Variants in DERA observed in about 807,000 individuals in gnomAD.
DERA encodes 2-deoxy-D-ribose 5-phosphate aldolase.
A neutral mutation model predicts 41.1 loss-of-function variants in DERA; 15 were observed. The ratio of observed to expected loss-of-function variants is 0.37; its 90% CI spans 0.24 to 0.56. The LOEUF (loss-of-function observed/expected upper bound fraction) is 0.56, where lower values mean the gene tolerates loss of function less well. Ranked by LOEUF, DERA falls within the 20% of genes least tolerant of loss-of-function variation. The probability of loss-of-function intolerance (pLI) is 0.81; values close to 1 mark genes in which losing one functional copy is unlikely to be tolerated. For missense variants in DERA, 396 were observed against 403.4 expected, an observed-to-expected ratio of 0.98 and a Z score of 0.16; for synonymous variants, 139 against 137.4, an observed-to-expected ratio of 1.01 and a Z score of -0.08.
In DERA at chr12:15,983,691, G is replaced by T. The variant is rs1028544375; in HGVS notation, c.637+1255G>T. Among the ~76,000 whole-genome samples, 5 of 152,138 alleles carry T rather than the reference G, an allele frequency of 3.3e-5. No individual in the cohort carries two copies. The highest frequency in any genetic ancestry group is 1.2e-4 in the African/African-American group (5 of 41,416). On this transcript the variant is annotated intron_variant, in intron 6 of 8. Coordinates refer to ENST00000428559, the MANE Select transcript of DERA (RefSeq NM_015954.4). This position sits in a 1 kb window ranked among gnomAD's most constrained non-coding sequence, Gnocchi z 6.2. ...TTGGATGAAGATACCTGGTTTCTCT[G>T]GTCTTGAATCTGGGCCAGCCATATT...
At position 15,967,288 on chromosome 12, in the gene DERA, G is replaced by A. The variant is rs1948629557; in HGVS notation, c.508+4341G>A. Among the ~76,000 whole-genome samples, 1 of 152,058 alleles carries A rather than the reference G, an allele frequency of 6.6e-6. No individual in the cohort carries two copies. The highest frequency in any genetic ancestry group is 1.5e-5 in the Non-Finnish European group (1 of 68,008). The stretch of plus-strand genomic sequence containing the variant: ...TGAGATGGGAGGATTCCTTGAATGT[G>A]GGAGGATTCCTTGAGCCTGGGAGGC... On this transcript the variant is annotated intron_variant, in intron 5 of 8. Coordinates refer to ENST00000428559, the MANE Select transcript of DERA (RefSeq NM_015954.4). This position sits in a 1 kb window ranked among gnomAD's most constrained non-coding sequence, Gnocchi z 4.9.
chr12:15,959,906 A>G lies in DERA; in HGVS notation c.355A>G (p.Asn119Asp). Residue 119 changes from asparagine to aspartate, a missense_variant, in exon 4 of 9, where the codon AAT (asparagine) becomes GAT (aspartate). Physicochemically the swap from Asn to Asp is conservative, Grantham distance 23 (BLOSUM62 1). Coordinates refer to ENST00000428559, the MANE Select transcript of DERA (RefSeq NM_015954.4). This position sits in a 1 kb window ranked among gnomAD's most constrained non-coding sequence, Gnocchi z 4.5. Reference protein sequence around the residue: ...AVKALKAAGCNIPVASVAAGF... With the variant: ...AVKALKAAGCDIPVASVAAGF... ...AAAAGCACTCAAGGCTGCAGGCTGT[A>G]ATATCCCTGTGGCATCAGGTAAAAT... The G allele has an allele frequency of 6.5e-7, 1 of 1,547,880 alleles. No homozygotes were observed. Among genetic ancestry groups the G allele is most frequent in the South Asian group, 1.2e-5 (1 of 83,658 alleles).
chr12:16,007,667 A>G (rs1948921248), intron 6 of DERA, among the ~76,000 whole-genome samples: 1 of 152,130 alleles, frequency 6.6e-6, no homozygotes, highest in African/African-American at 2.4e-5. Flanking sequence ...GTTCATTAGG[A>G]TGGGGGTTGT....
At chr12:15,968,822 G>A (rs1307476226) in intron 5 of DERA, among the ~76,000 whole-genome samples, 1 of 152,134 alleles carries the variant, frequency 6.6e-6, no homozygotes, top group South Asian at 2.1e-4. Flanking sequence ...CTCCTGCCCC[G>A]ATGATGGTCT....
chr12:16,036,782 A>G lies in DERA; in HGVS notation c.*36A>G, dbSNP rs750623353. 7.5e-6 allele frequency: 11 copies of G among 1,459,060 alleles called. No homozygotes were observed. Among genetic ancestry groups the G allele is most frequent in the East Asian group, 2.4e-5 (1 of 41,610 alleles). 90.4% of individuals were successfully genotyped at this position (1,459,060 alleles called of 1,614,324 possible). A position where few individuals can be genotyped will look rare whatever the true frequency, so the allele number is the denominator to read the frequency against. ...AGTTCCAGAAAAGTTCTTTACGACAATGTTTAAAAATTATTTTTCTACGTA... is the reference window on the plus strand; with the variant it reads ...AGTTCCAGAAAAGTTCTTTACGACAGTGTTTAAAAATTATTTTTCTACGTA... On this transcript the variant is annotated 3_prime_UTR_variant, in exon 9 of 9. Coordinates refer to ENST00000428559, the MANE Select transcript of DERA (RefSeq NM_015954.4). This position sits in a 1 kb window ranked among gnomAD's most constrained non-coding sequence, Gnocchi z 4.9.
intron 6 of DERA, among the ~76,000 whole-genome samples, chr12:16,015,035 C>T (rs1948971924): frequency 6.6e-6 from 1 of 152,154 alleles, no homozygotes; most frequent in African/African-American, 2.4e-5. Context: ...ATGCCTGTAC[C>T]CCAGTTGTTT....
At position 16,004,781 on chromosome 12, in the gene DERA, A is replaced by G. The variant is rs1297336337; in HGVS notation, c.637+22345A>G. On this transcript the variant is annotated intron_variant, in intron 6 of 8. Coordinates refer to ENST00000428559, the MANE Select transcript of DERA (RefSeq NM_015954.4). This position sits in a 1 kb window ranked among gnomAD's most constrained non-coding sequence, Gnocchi z 4.2. ...GTTTTTAAAAATTTAAAAAAATCCT[A>G]CTAAAAACTAGGAGATACCTTGGGA... Among the ~76,000 whole-genome samples, 1 of 152,200 alleles carries G rather than the reference A, an allele frequency of 6.6e-6. No individual in the cohort carries two copies. The highest frequency in any genetic ancestry group is 1.5e-5 in the Non-Finnish European group (1 of 68,022).
chr12:15,973,588 A>C (rs765046168), intron 5 of DERA, among the ~76,000 whole-genome samples: 1 of 152,206 alleles, frequency 6.6e-6, no homozygotes, highest in Non-Finnish European at 1.5e-5. Context: ...ATATTTAACT[A>C]TAAGGACATT....
rs544327397 is a variant in DERA at position 15,998,974 on chromosome 12, A to G, written c.637+16538A>G. ...CTCTCAGGACATTTGTAATTCTTCTACTGTTCTGATAGCACTATCAAGATT... is the reference window on the plus strand; with the variant it reads ...CTCTCAGGACATTTGTAATTCTTCTGCTGTTCTGATAGCACTATCAAGATT... On this transcript the variant is annotated intron_variant, in intron 6 of 8. Transcript: ENST00000428559. This position sits in a 1 kb window ranked among gnomAD's most constrained non-coding sequence, Gnocchi z 4.8. Among the ~76,000 whole-genome samples the G allele has an allele frequency of 9.8e-5, 15 of 152,324 alleles. No individual in the cohort carries two copies. The highest frequency in any genetic ancestry group is 3.1e-4 in the African/African-American group (13 of 41,570).
rs1361891861 is a variant in DERA, at chr12:15,921,941, A to AATG, written c.31+10529_31+10530insGAT. ...CTCCATCTCAGATAATAATAATAAT[A>AATG]ATAAATAATTTTCCAAGGAATAAAC... On this transcript the variant is annotated intron_variant, in intron 1 of 8. Coordinates refer to ENST00000428559, the MANE Select transcript of DERA (RefSeq NM_015954.4). The surrounding 1 kb of genome is among the most constrained non-coding windows in gnomAD (Gnocchi z 5.3). Among the ~76,000 whole-genome samples, 2 of 150,632 alleles carry AATG rather than the reference A, an allele frequency of 1.3e-5. No individual in the cohort carries two copies. The highest frequency in any genetic ancestry group is 1.3e-4 in the Admixed American group (2 of 15,076).
rs1222374002 is a variant in DERA at position 15,957,439 on chromosome 12, C to T, written c.129+406C>T. 1.3e-5 allele frequency among the ~76,000 whole-genome samples: 2 copies of T among 152,118 alleles called. No individual in the cohort carries two copies. Among genetic ancestry groups the T allele is most frequent in the Non-Finnish European group, 2.9e-5 (2 of 68,018 alleles). The stretch of plus-strand genomic sequence containing the variant: ...GGTATAAGAGTTGACCTTTCTTGAC[C>T]ATCATATTTACCTTACTATTACTTT... On this transcript the variant is annotated intron_variant, in intron 2 of 8. Transcript: ENST00000428559. This position sits in a 1 kb window ranked among gnomAD's most constrained non-coding sequence, Gnocchi z 4.8.
chr12:15,992,013 G>T lies in DERA; in HGVS notation c.637+9577G>T, dbSNP rs942520546. On this transcript the variant is annotated intron_variant, in intron 6 of 8. Transcript: ENST00000428559. This position sits in a 1 kb window ranked among gnomAD's most constrained non-coding sequence, Gnocchi z 4.3. ...ATGCTGTTATACTCTTAGGACAGTT[G>T]CAAATACCAGTAGCATTTGTAACAT... Among the ~76,000 whole-genome samples the T allele has an allele frequency of 2.6e-5, 4 of 151,258 alleles. No homozygotes were observed. The highest frequency in any genetic ancestry group is 5.9e-5 in the Non-Finnish European group (4 of 67,888).
At position 15,984,353 on chromosome 12, in the gene DERA, C is replaced by G. The variant is rs890242643; in HGVS notation, c.637+1917C>G. On this transcript the variant is annotated intron_variant, in intron 6 of 8. Transcript: ENST00000428559. This position sits in a 1 kb window ranked among gnomAD's most constrained non-coding sequence, Gnocchi z 4.5. The stretch of plus-strand genomic sequence containing the variant: ...GTGTCCCACCCTCCACCCATCCTGT[C>G]CACAGAAAAAAATGTGATTATAAAC... 2.6e-5 allele frequency among the ~76,000 whole-genome samples: 4 copies of G among 152,132 alleles called. No homozygotes were observed. The highest frequency in any genetic ancestry group is 5.9e-5 in the Non-Finnish European group (4 of 68,028).
rs188234410 is a variant in DERA at position 15,913,153 on chromosome 12, T to A, written c.31+1739T>A. On this transcript the variant is annotated intron_variant, in intron 1 of 8. Coordinates refer to ENST00000428559, the MANE Select transcript of DERA (RefSeq NM_015954.4). The surrounding 1 kb of genome is among the most constrained non-coding windows in gnomAD (Gnocchi z 4.5). ...TCAAAAAACATAATTGAACCATTTT[T>A]AAATTTATTTATTTGCAGTAATTAG... is the stretch of plus-strand genomic sequence containing the variant. 1.3e-5 allele frequency among the ~76,000 whole-genome samples: 2 copies of A among 152,240 alleles called. No homozygotes were observed. The highest frequency in any genetic ancestry group is 1.9e-4 in the East Asian group (1 of 5,204).
chr12:16,032,463 A>C, intron 6 of DERA, 79 bp from the exon 7 acceptor site: 2 of 817,120 alleles, frequency 2.4e-6, no homozygotes, highest in East Asian at 3.0e-5. Context: ...AAATTTACAC[A>C]ACTCATTTCT....
At chr12:16,031,944 C>T (rs2136189870) in intron 6 of DERA, among the ~76,000 whole-genome samples, 2 of 152,240 alleles carry the variant, frequency 1.3e-5, no homozygotes, top group South Asian at 4.1e-4. Context: ...TGTTAAACTA[C>T]ATTAATAGGT....
chr12:15,973,258 C>G (rs960611598), intron 5 of DERA, among the ~76,000 whole-genome samples: 2 of 152,220 alleles, frequency 1.3e-5, no homozygotes, highest in African/African-American at 4.8e-5. Flanking sequence ...CCCACTTTCA[C>G]TACCCCTGAA....
In DERA at chr12:16,013,577, C is replaced by G. The variant is rs1948961070; in HGVS notation, c.638-18965C>G. 6.6e-6 allele frequency among the ~76,000 whole-genome samples: 1 copy of G among 152,170 alleles called. No individual in the cohort carries two copies. On this transcript the variant is annotated intron_variant, in intron 6 of 8. Coordinates refer to ENST00000428559, the MANE Select transcript of DERA (RefSeq NM_015954.4). This position sits in a 1 kb window ranked among gnomAD's most constrained non-coding sequence, Gnocchi z 5.8. ...ACTGTGAGTCAGTTAAACTTCTTTC[C>G]TTTATAAATTACCTAGTCTCAGGCA...
intron 1 of DERA, among the ~76,000 whole-genome samples, chr12:15,949,011 G>A (rs1392830570): frequency 1.3e-5 from 2 of 152,206 alleles, no homozygotes; most frequent in African/African-American, 4.8e-5. Context: ...CTGCAGAACG[G>A]CGAATATTGC....
Sources: gnomAD v4.1 joint callset for allele counts (sites outside exome capture counted in the v4.1 genomes callset) on GRCh38, gnomAD v4.1.1 for gene constraint, Gnocchi (gnomAD v3.1) non-coding constraint, MANE v1.5 for transcripts, NCBI Gene and HGNC (gene_info 2026-07-23, HGNC 2026-07-21) for gene names.